UNC5D: variants seen among roughly 807,000 people sequenced by gnomAD.
UNC5D encodes unc-5 netrin receptor D, also known as netrin receptor UNC5D.
A neutral mutation model predicts 105.4 loss-of-function variants in UNC5D; 39 were observed. That is an observed-to-expected ratio of 0.37 (90% CI 0.29 to 0.48). The LOEUF (loss-of-function observed/expected upper bound fraction) is 0.48. Ranked by LOEUF, UNC5D falls within the 20% of genes least tolerant of loss-of-function variation. The pLI is 0.98. For synonymous variants in UNC5D, 452 were observed against 450.4 expected (o/e 1.00, Z -0.04); for missense variants, 991 against 1,202.4 (o/e 0.82, Z 2.60).
intron 1 of UNC5D, among the ~76,000 whole-genome samples, chr8:35,456,344 G>A (rs1426768095): frequency 6.6e-6 from 1 of 152,128 alleles, no homozygotes; most frequent in Non-Finnish European, 1.5e-5. Context: ...TTTCTGATAG[G>A]TTAGGAATGG....
rs1340397777 is a variant in UNC5D, at chr8:35,419,053, C to A, written c.104-130239C>A. Among the ~76,000 whole-genome samples, 5 of 152,174 alleles carry A rather than the reference C, an allele frequency of 3.3e-5. No individual in the cohort carries two copies. In the South Asian group the frequency reaches 1.0e-3, roughly 32 times the overall value. Reference sequence around the variant, plus strand: ...GAAATCTTCCAGGAACACTTATTAGCAGAGAAATTCACAGCTCTATGTGGT... The same window carrying A: ...GAAATCTTCCAGGAACACTTATTAGAAGAGAAATTCACAGCTCTATGTGGT... On this transcript the variant is annotated intron_variant, in intron 1 of 16. Transcript: ENST00000404895.
At chr8:35,698,236 CTTT>C (rs397893134) in intron 7 of UNC5D, among the ~76,000 whole-genome samples, 14 of 139,772 alleles carry the variant, frequency 1.0e-4, no homozygotes, top group Admixed American at 1.4e-4. Flanking sequence ...CACATAGCTC[CTTT>C]TTTTTTTTTT....
chr8:35,743,314 G>C (rs576310289), intron 11 of UNC5D, among the ~76,000 whole-genome samples: 21 of 151,952 alleles, frequency 1.4e-4, no homozygotes, highest in Non-Finnish European at 2.4e-4. Context: ...CTGTTGCCCA[G>C]GCTGGAGTGC....
chr8:35,315,371 A>G (rs1250097226), intron 1 of UNC5D, among the ~76,000 whole-genome samples: 7 of 152,036 alleles, frequency 4.6e-5, no homozygotes, highest in Non-Finnish European at 7.4e-5. Context: ...TCAGCTGTTC[A>G]TCTGGGATGG....
At chr8:35,520,828 T>C (rs1813412990) in intron 1 of UNC5D, among the ~76,000 whole-genome samples, 1 of 152,172 alleles carries the variant, frequency 6.6e-6, no homozygotes, top group African/African-American at 2.4e-5. Context: ...CCCATTTTCT[T>C]AGACTGAGTG....
intron 1 of UNC5D, among the ~76,000 whole-genome samples, chr8:35,312,775 T>C (rs890126735): frequency 1.3e-5 from 2 of 152,218 alleles, no homozygotes; most frequent in African/African-American, 2.4e-5. Flanking sequence ...TTTTCTCCTC[T>C]GTTTCAGAAC....
At chr8:35,667,766 C>A (rs551923640) in intron 4 of UNC5D, among the ~76,000 whole-genome samples, 46 of 152,230 alleles carry the variant, frequency 3.0e-4, no homozygotes, top group African/African-American at 1.1e-3. Flanking sequence ...GGAGATATTT[C>A]CAATTCTATT....
At chr8:35,321,095 G>C (rs893153653) in intron 1 of UNC5D, among the ~76,000 whole-genome samples, 12 of 151,990 alleles carry the variant, frequency 7.9e-5, no homozygotes, top group Non-Finnish European at 1.6e-4. Context: ...TATTAATTTT[G>C]CATCAGCTTT....
intron 3 of UNC5D, among the ~76,000 whole-genome samples, chr8:35,592,711 C>T (rs1015389918): frequency 6.6e-6 from 1 of 152,138 alleles, no homozygotes; most frequent in African/African-American, 2.4e-5. Flanking sequence ...ACTTGTGTTT[C>T]TCACTTGGTA....
chr8:35,573,349 A>G (rs1244497814), intron 3 of UNC5D, among the ~76,000 whole-genome samples: 2 of 152,172 alleles, frequency 1.3e-5, no homozygotes, highest in African/African-American at 4.8e-5. Flanking sequence ...AGGCTGAGGC[A>G]GGAGGATCAC....
At chr8:35,530,116 C>A (rs929754789) in intron 1 of UNC5D, among the ~76,000 whole-genome samples, 125 of 152,140 alleles carry the variant, frequency 8.2e-4, no homozygotes, top group Middle Eastern at 6.8e-3. Context: ...GCATCCCTGT[C>A]TTGTGCTAGT....
chr8:35,544,337 C>T lies in UNC5D; in HGVS notation c.104-4955C>T, dbSNP rs1815485617. On this transcript the variant is annotated intron_variant, in intron 1 of 16. Transcript: ENST00000404895. Reference sequence around the variant, plus strand: ...GCTTTGTGTAAGAAGGAAGATGCAGCTGTATCAGTGAGGAACGTTTTCTGC... The same window carrying T: ...GCTTTGTGTAAGAAGGAAGATGCAGTTGTATCAGTGAGGAACGTTTTCTGC... 2.6e-6 allele frequency: 4 copies of T among 1,522,788 alleles called. No homozygotes were observed. In the Admixed American group the frequency reaches 6.1e-5, roughly 23 times the overall value. 94.3% of individuals were successfully genotyped at this position (1,522,788 alleles called of 1,614,324 possible).
intron 3 of UNC5D, among the ~76,000 whole-genome samples, chr8:35,580,344 A>G (rs1818397739): frequency 6.6e-6 from 1 of 152,152 alleles, no homozygotes; most frequent in African/African-American, 2.4e-5. Flanking sequence ...ATCTGTCAGG[A>G]AGATAGAAGG....
intron 1 of UNC5D, among the ~76,000 whole-genome samples, chr8:35,469,809 G>T (rs894075243): frequency 6.6e-6 from 1 of 152,094 alleles, no homozygotes; most frequent in Non-Finnish European, 1.5e-5. Context: ...ACCTAACATA[G>T]ATCATAATTT....
intron 1 of UNC5D, among the ~76,000 whole-genome samples, chr8:35,498,079 CAAAACAAAAA>C (rs1563474835): frequency 2.7e-3 from 162 of 59,454 alleles, no homozygotes; most frequent in African/African-American, 5.7e-3. Context: ...CAAAACAAAA[CAAAACAAAAA>C]AAAAAAAAAA....
At chr8:35,418,251 T>TGCA (rs1164511706) in intron 1 of UNC5D, among the ~76,000 whole-genome samples, 16 of 152,286 alleles carry the variant, frequency 1.1e-4, no homozygotes, top group African/African-American at 3.6e-4. Context: ...CCTGCCTCCC[T>TGCA]GGGTTTGCTC....
intron 1 of UNC5D, among the ~76,000 whole-genome samples, chr8:35,264,719 G>A (rs562109634): frequency 7.9e-4 from 110 of 139,686 alleles, no homozygotes; most frequent in African/African-American, 2.9e-3. Flanking sequence ...GATGGAGCAA[G>A]ACTCTGTCTC....
At chr8:35,700,846 A>G (rs541200457) in intron 7 of UNC5D, among the ~76,000 whole-genome samples, 1 of 152,216 alleles carries the variant, frequency 6.6e-6, no homozygotes, top group African/African-American at 2.4e-5. Context: ...AGATTCTTTC[A>G]TGCTAATATT....
intron 1 of UNC5D, among the ~76,000 whole-genome samples, chr8:35,406,317 T>C (rs1804797263): frequency 6.6e-6 from 1 of 152,228 alleles, no homozygotes. Context: ...TTGCACATAT[T>C]TTTAGAAATC....
Sources: gnomAD v4.1 joint callset for allele counts (sites outside exome capture counted in the v4.1 genomes callset) on GRCh38, gnomAD v4.1.1 for gene constraint, MANE v1.5 for transcripts, NCBI Gene and HGNC (gene_info 2026-07-23, HGNC 2026-07-21) for gene names.